The following KLF12 variants were observed in gnomAD, a reference collection of about 807,000 sequenced individuals.
The protein encoded by KLF12 is Krueppel-like factor 12.
A neutral mutation model predicts 37.8 loss-of-function variants in KLF12; 9 were observed. That is an observed-to-expected ratio of 0.24 (90% CI 0.14 to 0.42). The LOEUF is 0.42. KLF12 is among the 10% of genes least tolerant of loss of function. KLF12 has a pLI of 1.00. For missense variants in KLF12, 411 were observed against 516.0 expected (o/e 0.80, Z 1.97); for synonymous variants, 208 against 202.1 (o/e 1.03, Z -0.25).
the KLF12 span, among the ~76,000 whole-genome samples, chr13:74,148,403 CTTTTTT>C: frequency 2.7e-4 from 20 of 73,498 alleles, no homozygotes; most frequent in East Asian, 4.7e-4. Flanking sequence ...CAAAACTGCT[CTTTTTT>C]TTTTTTTTTT....
rs193040217 is a variant in KLF12, at chr13:73,899,364, G to C, written c.123+44617C>G. 5.0e-3 allele frequency among the ~76,000 whole-genome samples: 765 copies of C among 152,314 alleles called. 5 individuals carry two copies. The highest frequency in any genetic ancestry group is 0.017 in the African/African-American group (688 of 41,570). ...CACCTAATGGAAGGAGGGGAAGTAA[G>C]TGACTTGGAGGACAATAATCTCTCA... is the stretch of plus-strand genomic sequence containing the variant. On this transcript the variant is annotated intron_variant, in intron 3 of 7. Transcript: ENST00000377669.
At chr13:74,283,394 A>G in the KLF12 span, among the ~76,000 whole-genome samples, 3,214 of 152,326 alleles carry the variant, frequency 0.021, 108 homozygotes, top group African/African-American at 0.072. Flanking sequence ...CATAATTTGG[A>G]AAATAGTAAA....
At chr13:74,109,371 G>C (rs1229447740) in intron 1 of KLF12, among the ~76,000 whole-genome samples, 1 of 151,974 alleles carries the variant, frequency 6.6e-6, no homozygotes, top group Non-Finnish European at 1.5e-5. Flanking sequence ...TTGCTGGAGT[G>C]CAGGGAGCAC....
intron 2 of KLF12, among the ~76,000 whole-genome samples, chr13:73,952,475 G>A (rs1890682459): frequency 6.6e-6 from 1 of 152,126 alleles, no homozygotes; most frequent in Admixed American, 6.6e-5. Context: ...ATTAGAAACT[G>A]CCCCCATGAT....
intron 2 of KLF12, among the ~76,000 whole-genome samples, chr13:73,986,367 G>A (rs1033088679): frequency 7.9e-5 from 12 of 152,122 alleles, no homozygotes; most frequent in Non-Finnish European, 5.9e-5. Flanking sequence ...TCACAAGAAG[G>A]AAGAAAATTA....
At chr13:73,765,915 A>G (rs575116946) in intron 5 of KLF12, among the ~76,000 whole-genome samples, 43 of 152,324 alleles carry the variant, frequency 2.8e-4, no homozygotes, top group Admixed American at 2.3e-3. Flanking sequence ...CTGGTCTTAA[A>G]GTCCAGTTAG....
intron 3 of KLF12, among the ~76,000 whole-genome samples, chr13:73,899,200 A>G (rs1887926353): frequency 6.6e-6 from 1 of 152,184 alleles, no homozygotes. Context: ...GTCCTCTAAG[A>G]AGGTGGAATA....
the KLF12 span, among the ~76,000 whole-genome samples, chr13:74,256,688 T>TTG: frequency 1.7e-4 from 25 of 148,020 alleles, no homozygotes; most frequent in South Asian, 8.9e-4. Context: ...TGAGTAGAGC[T>TTG]TGTGTGTGTG....
chr13:74,141,744 A>G, the KLF12 span, among the ~76,000 whole-genome samples: 1 of 152,176 alleles, frequency 6.6e-6, no homozygotes, highest in Non-Finnish European at 1.5e-5. Flanking sequence ...AGAAGCATCA[A>G]CTGTATCTCT....
intron 2 of KLF12, among the ~76,000 whole-genome samples, chr13:73,957,728 G>T (rs2139443944): frequency 6.6e-6 from 1 of 152,128 alleles, no homozygotes; most frequent in East Asian, 1.9e-4. Context: ...TATTAATTTT[G>T]TTAGAAAAAA....
intron 3 of KLF12, among the ~76,000 whole-genome samples, chr13:73,888,290 C>T (rs1451497363): frequency 6.6e-6 from 1 of 152,158 alleles, no homozygotes; most frequent in Non-Finnish European, 1.5e-5. Flanking sequence ...AGTCCTGAGC[C>T]ACCGCGCCCG....
At chr13:74,085,779 A>C (rs1875248441) in intron 1 of KLF12, among the ~76,000 whole-genome samples, 1 of 151,944 alleles carries the variant, frequency 6.6e-6, no homozygotes, top group Non-Finnish European at 1.5e-5. Context: ...TAAGCCCAGG[A>C]CTCTGCATTT....
intron 3 of KLF12, among the ~76,000 whole-genome samples, chr13:73,928,538 C>T (rs747514311): frequency 2.0e-5 from 3 of 152,154 alleles, no homozygotes; most frequent in Non-Finnish European, 4.4e-5. Flanking sequence ...AGAGGAAGTA[C>T]ATTTCCAACA....
chr13:73,876,850 A>G (rs918756033), intron 3 of KLF12, among the ~76,000 whole-genome samples: 2 of 152,106 alleles, frequency 1.3e-5, no homozygotes, highest in South Asian at 4.1e-4. Flanking sequence ...CCCTGTCTCC[A>G]CTAAAAATAC....
chr13:74,004,394 C>T (rs1892359082), intron 1 of KLF12, among the ~76,000 whole-genome samples: 1 of 152,310 alleles, frequency 6.6e-6, no homozygotes, highest in Non-Finnish European at 1.5e-5. Context: ...TTATTAGTCT[C>T]ATTTTACAGA....
chr13:74,079,391 A>G (rs192964486), intron 1 of KLF12, among the ~76,000 whole-genome samples: 2 of 152,334 alleles, frequency 1.3e-5, no homozygotes, highest in East Asian at 1.9e-4. Context: ...TATGTTACGC[A>G]TATTTTATGA....
chr13:74,291,980 T>C, the KLF12 span, among the ~76,000 whole-genome samples: 1 of 152,220 alleles, frequency 6.6e-6, no homozygotes, highest in African/African-American at 2.4e-5. Flanking sequence ...TTTAAATAAA[T>C]GCTTTACAAT....
At chr13:74,264,385 A>C in the KLF12 span, among the ~76,000 whole-genome samples, 3 of 152,216 alleles carry the variant, frequency 2.0e-5, no homozygotes, top group African/African-American at 2.4e-5. Context: ...CCAAAAAATA[A>C]ATAAAAAGGG....
intron 3 of KLF12, among the ~76,000 whole-genome samples, chr13:73,871,098 G>A (rs1018155085): frequency 5.9e-5 from 9 of 152,212 alleles, no homozygotes; most frequent in Non-Finnish European, 1.2e-4. Context: ...CCAGTGAGAT[G>A]TTCTCATTTA....
Sources: allele counts gnomAD v4.1 joint callset (sites outside exome capture counted in the v4.1 genomes callset), GRCh38; gene constraint gnomAD v4.1.1; transcripts MANE v1.5; gene names NCBI Gene and HGNC (gene_info 2026-07-23, HGNC 2026-07-21).